The following ARHGEF28 variants were observed in gnomAD, a reference collection of about 807,000 sequenced individuals.
The protein encoded by ARHGEF28 is 190 kDa guanine nucleotide exchange factor.
In ARHGEF28, 152 loss-of-function variants were observed where a neutral mutation model predicts 206.6. The observed-to-expected ratio is 0.74, with a 90% CI of 0.64 to 0.84. The LOEUF (loss-of-function observed/expected upper bound fraction) is 0.84, where lower values mean the gene tolerates loss of function less well. ARHGEF28 is among the 40% of genes least tolerant of loss of function. ARHGEF28 has a pLI of 0.00. For missense variants in ARHGEF28, 2,028 were observed against 2,073.2 expected (o/e 0.98, Z 0.42); for synonymous variants, 763 against 776.4 (o/e 0.98, Z 0.29).
chr5:73,839,177 G>A (rs1757835087), intron 10 of ARHGEF28, among the ~76,000 whole-genome samples: 1 of 152,142 alleles, frequency 6.6e-6, no homozygotes, highest in East Asian at 1.9e-4. Context: ...ACATCAATCT[G>A]TCCCATTACT....
chr5:73,788,365 G>C (rs1198784620), intron 7 of ARHGEF28, among the ~76,000 whole-genome samples: 2 of 152,120 alleles, frequency 1.3e-5, no homozygotes, highest in African/African-American at 4.8e-5. Flanking sequence ...GAAAAACTCA[G>C]ATTAGGGGCA....
chr5:73,879,184 A>G (rs1760741309), intron 22 of ARHGEF28, among the ~76,000 whole-genome samples: 1 of 151,988 alleles, frequency 6.6e-6, no homozygotes, highest in South Asian at 2.1e-4. Context: ...TTCATCTTCC[A>G]TCACTGATAC....
Position 73,862,097 on chromosome 5 carries a change from G to C in ARHGEF28, c.2048-2720G>C, listed in dbSNP as rs533095991. Among the ~76,000 whole-genome samples the C allele has an allele frequency of 7.9e-5, 12 of 152,162 alleles. No individual in the cohort carries two copies. In the South Asian group the frequency reaches 2.5e-3, roughly 32 times the overall value. On this transcript the variant is annotated intron_variant, in intron 16 of 35. Coordinates refer to ENST00000513042, the MANE Select transcript of ARHGEF28 (RefSeq NM_001177693.2). ...AAAATTCTTGGGTAATTTTCTTCTT[G>C]TTAAAGCCTGAGTTGCTAATTTTCC...
intron 9 of ARHGEF28, among the ~76,000 whole-genome samples, chr5:73,830,833 C>CA (rs1356007565): frequency 6.6e-6 from 1 of 151,998 alleles, no homozygotes; most frequent in Non-Finnish European, 1.5e-5. Context: ...CCTGATTCAC[C>CA]CCCATGGGCT....
chr5:73,822,089 T>C lies in ARHGEF28; in HGVS notation c.1025-10249T>C, dbSNP rs141265430. Among the ~76,000 whole-genome samples, 169 of 152,302 alleles carry C rather than the reference T, an allele frequency of 1.1e-3. 4 individuals are homozygous for C. The East Asian group carries it at 0.029, about 26-fold the overall frequency. ...GATTAGTTCCTTCAAAACAGTAGAA[T>C]AGGACTCTTTTTAAGGATCTGGTTT... On this transcript the variant is annotated intron_variant, in intron 9 of 35. Transcript: ENST00000513042.
intron 10 of ARHGEF28, among the ~76,000 whole-genome samples, chr5:73,834,291 A>G (rs1044333873): frequency 6.6e-6 from 1 of 152,152 alleles, no homozygotes; most frequent in Non-Finnish European, 1.5e-5. Flanking sequence ...GAACTTATTC[A>G]TTGTGTAACT....
intron 2 of ARHGEF28, among the ~76,000 whole-genome samples, chr5:73,744,960 T>C (rs1426882182): frequency 6.6e-6 from 1 of 152,002 alleles, no homozygotes. Flanking sequence ...ACAAAAAACA[T>C]TATTATGTTT....
At chr5:73,872,528 A>G (rs1328551947) in intron 21 of ARHGEF28, among the ~76,000 whole-genome samples, 2 of 152,222 alleles carry the variant, frequency 1.3e-5, no homozygotes, top group Non-Finnish European at 2.9e-5. Flanking sequence ...AGATTCTGCC[A>G]TAGAAAGGAC....
chr5:73,661,071 A>T (rs892236476), intron 1 of ARHGEF28, among the ~76,000 whole-genome samples: 1 of 152,196 alleles, frequency 6.6e-6, no homozygotes, highest in Non-Finnish European at 1.5e-5. Context: ...ATCTTTTTCC[A>T]AAAAAAGGTT....
chr5:73,904,121 T>G, intron 31 of ARHGEF28, 101 bp from the exon 32 acceptor site: 1 of 1,151,198 alleles, frequency 8.7e-7, no homozygotes. Context: ...AGTTTAGAGA[T>G]AGCAAAGTGA....
At chr5:73,765,670 C>T (rs1397234013) in intron 4 of ARHGEF28, among the ~76,000 whole-genome samples, 1 of 152,170 alleles carries the variant, frequency 6.6e-6, no homozygotes, top group African/African-American at 2.4e-5. Context: ...AGGGCAGGGA[C>T]CACCACACTC....
intron 35 of ARHGEF28, among the ~76,000 whole-genome samples, chr5:73,930,310 G>A (rs1159982874): frequency 6.6e-6 from 1 of 152,156 alleles, no homozygotes; most frequent in Non-Finnish European, 1.5e-5. Context: ...GCATGAAATG[G>A]TAACTTGTTC....
intron 2 of ARHGEF28, among the ~76,000 whole-genome samples, chr5:73,687,211 C>T (rs867974198): frequency 4.6e-5 from 7 of 152,034 alleles, no homozygotes; most frequent in African/African-American, 1.7e-4. Context: ...TTGGAAATAA[C>T]AGCATGTTAC....
chr5:73,834,566 G>GTGTGTGTGCATGTGTGTGTT (rs1561440950), intron 10 of ARHGEF28, among the ~76,000 whole-genome samples: 3 of 151,672 alleles, frequency 2.0e-5, no homozygotes, highest in African/African-American at 7.3e-5. Flanking sequence ...GTGTGTGTGT[G>GTGTGTGTGCATGTGTGTGTT]TGTGTGTGCA....
At position 73,811,003 on chromosome 5, in the gene ARHGEF28, G is replaced by A. The variant is rs574644342; in HGVS notation, c.1024+15612G>A. Among the ~76,000 whole-genome samples the A allele has an allele frequency of 2.6e-5, 4 of 152,290 alleles. No individual in the cohort carries two copies. The South Asian group carries it at 8.3e-4, about 32-fold the overall frequency. On this transcript the variant is annotated intron_variant, in intron 9 of 35. Transcript: ENST00000513042. ...GGATGGTATAGTAGAGGTTTAGCAT[G>A]TGTAGCAAGGAGCTACAAAACCCAC...
At chr5:73,676,082 T>C (rs993246425) in intron 1 of ARHGEF28, among the ~76,000 whole-genome samples, 2 of 149,608 alleles carry the variant, frequency 1.3e-5, no homozygotes, top group African/African-American at 4.9e-5. Flanking sequence ...TTTTTTTTTT[T>C]TTTTTGAGAC....
At chr5:73,631,922 C>A (rs778460528) in intron 1 of ARHGEF28, among the ~76,000 whole-genome samples, 1 of 152,160 alleles carries the variant, frequency 6.6e-6, no homozygotes, top group Non-Finnish European at 1.5e-5. Flanking sequence ...CCCTTTTGAA[C>A]TCCTACCACC....
chr5:73,786,973 G>A (rs968663001), intron 7 of ARHGEF28, among the ~76,000 whole-genome samples: 1 of 152,222 alleles, frequency 6.6e-6, no homozygotes, highest in African/African-American at 2.4e-5. Context: ...TTTGTGAAAT[G>A]TAGAGAGAGT....
chr5:73,746,586 A>G (rs1751729676), intron 2 of ARHGEF28, among the ~76,000 whole-genome samples: 1 of 152,122 alleles, frequency 6.6e-6, no homozygotes, highest in African/African-American at 2.4e-5. Flanking sequence ...AAACTTTTAA[A>G]CAGTCTTCTA....
Sources: allele counts gnomAD v4.1 joint callset (sites outside exome capture counted in the v4.1 genomes callset), GRCh38; gene constraint gnomAD v4.1.1; transcripts MANE v1.5; gene names NCBI Gene and HGNC (gene_info 2026-07-23, HGNC 2026-07-21).